The following LAMA2 variants were observed in gnomAD, a reference collection of about 807,000 sequenced individuals.
LAMA2 encodes the protein laminin subunit alpha 2.
A neutral mutation model predicts 364.8 loss-of-function variants in LAMA2; 269 were observed. The observed-to-expected ratio is 0.74, with a 90% CI of 0.67 to 0.82. The LOEUF (loss-of-function observed/expected upper bound fraction) is 0.82. Ranked by LOEUF, LAMA2 falls within the 40% of genes least tolerant of loss-of-function variation. The pLI, the probability that LAMA2 is intolerant of heterozygous loss-of-function variation, is 0.00. For synonymous variants in LAMA2, 1,379 were observed against 1,370.6 expected (o/e 1.01, Z -0.14); for missense variants, 3,807 against 3,873.2 (o/e 0.98, Z 0.45).
intron 29 of LAMA2, among the ~76,000 whole-genome samples, chr6:129,329,352 G>C (rs1301801847): frequency 6.6e-6 from 1 of 151,856 alleles, no homozygotes; most frequent in African/African-American, 2.4e-5. Flanking sequence ...TTAAGGAGTA[G>C]CCATCACCTT....
chr6:129,259,463 C>T (rs564123922), intron 14 of LAMA2, among the ~76,000 whole-genome samples: 15 of 152,084 alleles, frequency 9.9e-5, no homozygotes, highest in African/African-American at 1.9e-4. Context: ...AAATGTCTAT[C>T]GGTAATTTTT....
chr6:128,927,540 A>T (rs919615463), intron 1 of LAMA2, among the ~76,000 whole-genome samples: 15 of 152,122 alleles, frequency 9.9e-5, no homozygotes, highest in African/African-American at 3.1e-4. Context: ...GTACAACTTA[A>T]CGTGGCTTAA....
chr6:129,108,969 G>A (rs768956228), intron 4 of LAMA2, among the ~76,000 whole-genome samples: 4 of 152,076 alleles, frequency 2.6e-5, no homozygotes, highest in Non-Finnish European at 5.9e-5. Flanking sequence ...TACTTAAAAA[G>A]TGTTTTAGAA....
intron 3 of LAMA2, among the ~76,000 whole-genome samples, chr6:129,065,508 C>G (rs1789236040): frequency 6.6e-6 from 1 of 151,882 alleles, no homozygotes; most frequent in African/African-American, 2.4e-5. Flanking sequence ...TATAGAAAAC[C>G]CTGACTCCAC....
At chr6:129,235,830 G>A (rs1000140015) in intron 12 of LAMA2, among the ~76,000 whole-genome samples, 4 of 151,868 alleles carry the variant, frequency 2.6e-5, no homozygotes, top group Admixed American at 6.6e-5. Context: ...GGTTAAAAAG[G>A]CCACAGTCTG....
chr6:128,949,429 G>A (rs113212328), intron 1 of LAMA2, among the ~76,000 whole-genome samples: 3 of 151,706 alleles, frequency 2.0e-5, no homozygotes, highest in Non-Finnish European at 2.9e-5. Flanking sequence ...TAACCCTATC[G>A]AAGGTCAGAA....
intron 1 of LAMA2, chr6:128,929,374 G>C (rs1779302202): frequency 2.0e-6 from 2 of 1,012,088 alleles, no homozygotes; most frequent in Non-Finnish European, 3.2e-6. Context: ...ATACAAAGAA[G>C]TTCATCAGTC....
chr6:129,351,858 AT>A (rs1776871059), intron 31 of LAMA2, among the ~76,000 whole-genome samples: 2 of 152,314 alleles, frequency 1.3e-5, no homozygotes, highest in African/African-American at 4.8e-5. Flanking sequence ...ATTGAAAAAA[AT>A]AATCAAAAAC....
chr6:128,929,757 G>C (rs1779335976), intron 1 of LAMA2: 2 of 1,168,648 alleles, frequency 1.7e-6, no homozygotes, highest in Admixed American at 3.4e-5. Context: ...GCTGGATATT[G>C]GAAAACGTGT....
intron 41 of LAMA2, among the ~76,000 whole-genome samples, chr6:129,438,230 A>G (rs1054282436): frequency 9.2e-5 from 14 of 151,896 alleles, no homozygotes; most frequent in African/African-American, 1.9e-4. Context: ...CTAAACAATC[A>G]TATCTGAGAT....
chr6:129,164,591 G>A (rs1316444165), intron 8 of LAMA2, among the ~76,000 whole-genome samples: 1 of 152,182 alleles, frequency 6.6e-6, no homozygotes, highest in African/African-American at 2.4e-5. Context: ...TTCATACTTT[G>A]TTAGGACAGA....
intron 18 of LAMA2, among the ~76,000 whole-genome samples, chr6:129,285,449 T>C (rs1195374022): frequency 6.6e-6 from 1 of 152,142 alleles, no homozygotes; most frequent in Non-Finnish European, 1.5e-5. Context: ...ATGAGTTTTT[T>C]TATTATGGAG....
intron 8 of LAMA2, among the ~76,000 whole-genome samples, chr6:129,164,339 A>G (rs1383646387): frequency 2.0e-5 from 3 of 152,190 alleles, no homozygotes; most frequent in Non-Finnish European, 4.4e-5. Flanking sequence ...AAACTTTTCA[A>G]TTATTTATTT....
In LAMA2 at chr6:129,049,959, A is replaced by G; in HGVS notation, c.154A>G (p.Ile52Val). ...AVLNLASNAL[I>V]TTNATCGEKG... ...CCTGAATCTTGCTTCTAATGCTCTT[A>G]TCACGACCAATGCAACATGTGGAGA... Residue 52 changes from isoleucine to valine, a missense_variant, in exon 2 of 65, where the codon ATC becomes GTC. Ile to Val is a conservative substitution (Grantham distance 29). Around this residue, in one of 3 missense-constraint regions of LAMA2, gnomAD observed 394 missense variants for 403.5 expected, o/e 0.98. Coordinates refer to ENST00000421865, the MANE Select transcript of LAMA2 (RefSeq NM_000426.4). 1 of 1,614,036 alleles carries G rather than the reference A, an allele frequency of 6.2e-7. No individual in the cohort carries two copies. The highest frequency in any genetic ancestry group is 1.6e-4 in the Middle Eastern group (1 of 6,062).
chr6:129,315,394 T>C, intron 24 of LAMA2, 82 bp from the exon 25 acceptor site: 2 of 1,225,768 alleles, frequency 1.6e-6, no homozygotes, highest in South Asian at 1.2e-5. Flanking sequence ...GAACTGCAGA[T>C]AGACATGCAG....
intron 9 of LAMA2, among the ~76,000 whole-genome samples, chr6:129,174,934 T>C (rs1780477916): frequency 6.6e-6 from 1 of 152,204 alleles, no homozygotes; most frequent in Non-Finnish European, 1.5e-5. Flanking sequence ...TAGTCTACAA[T>C]ACTTCCAGAA....
chr6:129,091,164 C>A (rs1397413674), intron 3 of LAMA2, among the ~76,000 whole-genome samples: 2 of 152,222 alleles, frequency 1.3e-5, no homozygotes. Context: ...ATAAGTCTTG[C>A]TATTTTTCAG....
chr6:129,229,556 A>T (rs986543709), intron 12 of LAMA2, among the ~76,000 whole-genome samples: 2 of 152,184 alleles, frequency 1.3e-5, no homozygotes, highest in South Asian at 4.1e-4. Context: ...GTTATGTTTT[A>T]ATAGGGTTAG....
At chr6:129,390,205 T>G (rs1415379743) in intron 35 of LAMA2, among the ~76,000 whole-genome samples, 1 of 152,200 alleles carries the variant, frequency 6.6e-6, no homozygotes, top group Non-Finnish European at 1.5e-5. Flanking sequence ...AGAAGGCTTG[T>G]TAAAGCCCAG....
Sources: allele counts gnomAD v4.1 joint callset (sites outside exome capture counted in the v4.1 genomes callset), GRCh38; gene constraint gnomAD v4.1.1; regional missense constraint gnomAD v4.1.1; transcripts MANE v1.5; gene names NCBI Gene and HGNC (gene_info 2026-07-23, HGNC 2026-07-21).